MGAT4C: variants seen among roughly 807,000 people sequenced by gnomAD.
The protein encoded by MGAT4C is MGAT4 family member C, also known as alpha-1,3-mannosyl-glycoprotein 4-beta-N-acetylglucosaminyltransferase C.
MGAT4C carries 19 observed loss-of-function variants against 40.1 expected under a neutral mutation model. The observed-to-expected ratio is 0.47, with a 90% CI of 0.33 to 0.70. The LOEUF (loss-of-function observed/expected upper bound fraction) is 0.70, where lower values mean the gene tolerates loss of function less well. Among genes scored for constraint, MGAT4C ranks in the 30% least tolerant of loss-of-function variants. MGAT4C has a pLI of 0.02. For synonymous variants in MGAT4C, 181 were observed against 187.1 expected (o/e 0.97, Z 0.27); for missense variants, 491 against 563.2 (o/e 0.87, Z 1.30).
chr12:86,601,989 A>G (rs1961800945), intron 2 of MGAT4C, among the ~76,000 whole-genome samples: 1 of 152,126 alleles, frequency 6.6e-6, no homozygotes, highest in Non-Finnish European at 1.5e-5. Flanking sequence ...CCCGTTGTCC[A>G]GAAACTGGCG....
intron 1 of MGAT4C, among the ~76,000 whole-genome samples, chr12:86,191,474 G>C (rs1315962920): frequency 3.3e-5 from 5 of 151,650 alleles, no homozygotes; most frequent in Admixed American, 1.3e-4. Context: ...AGGACATTCT[G>C]TCAAACTAAC....
intron 1 of MGAT4C, among the ~76,000 whole-genome samples, chr12:86,762,521 C>A (rs1951425792): frequency 6.6e-6 from 1 of 152,194 alleles, no homozygotes; most frequent in South Asian, 2.1e-4. Flanking sequence ...GGCTCTCTCA[C>A]ATAGCCACTC....
At chr12:86,408,484 T>TCTC (rs1956530417) in intron 3 of MGAT4C, among the ~76,000 whole-genome samples, 1 of 82,400 alleles carries the variant, frequency 1.2e-5, no homozygotes, top group South Asian at 4.2e-4. Flanking sequence ...TCTCTCTATA[T>TCTC]ATATATATAT....
intron 2 of MGAT4C, among the ~76,000 whole-genome samples, chr12:86,702,851 C>A (rs1355932289): frequency 6.6e-6 from 1 of 152,136 alleles, no homozygotes; most frequent in Non-Finnish European, 1.5e-5. Context: ...AATTTTAAGA[C>A]TATATCTTCT....
chr12:86,640,040 T>C (rs576029618), intron 2 of MGAT4C, among the ~76,000 whole-genome samples: 2 of 151,822 alleles, frequency 1.3e-5, no homozygotes, highest in South Asian at 2.1e-4. Flanking sequence ...CCCATACTTA[T>C]TTATGCTCAA....
intron 3 of MGAT4C, among the ~76,000 whole-genome samples, chr12:86,418,622 A>G (rs1956765163): frequency 6.7e-6 from 1 of 150,166 alleles, no homozygotes; most frequent in Admixed American, 6.6e-5. Flanking sequence ...ATAAATAAAT[A>G]AATAAATGTA....
chr12:86,599,156 A>C (rs1356598812), intron 2 of MGAT4C, among the ~76,000 whole-genome samples: 1 of 152,066 alleles, frequency 6.6e-6, no homozygotes, highest in Non-Finnish European at 1.5e-5. Context: ...TATATTTATC[A>C]ACCTTAGAAG....
At chr12:86,507,361 T>C (rs1266091110) in intron 2 of MGAT4C, among the ~76,000 whole-genome samples, 1 of 152,188 alleles carries the variant, frequency 6.6e-6, no homozygotes, top group Non-Finnish European at 1.5e-5. Flanking sequence ...CTTTGTTATG[T>C]AACCTTTATT....
chr12:86,502,653 T>C (rs111913317), intron 2 of MGAT4C, among the ~76,000 whole-genome samples: 11,350 of 143,988 alleles, frequency 0.079, 557 homozygotes, highest in African/African-American at 0.15. Context: ...TATATATACA[T>C]GATTTCTGCT....
intron 1 of MGAT4C, among the ~76,000 whole-genome samples, chr12:86,120,793 C>A: frequency 6.6e-6 from 1 of 152,164 alleles, no homozygotes; most frequent in East Asian, 1.9e-4. Flanking sequence ...TGGGGAGAAA[C>A]CAAAGCAGAA....
chr12:86,374,184 C>A (rs1255441457), intron 3 of MGAT4C, among the ~76,000 whole-genome samples: 1 of 152,024 alleles, frequency 6.6e-6, no homozygotes, highest in Non-Finnish European at 1.5e-5. Flanking sequence ...GTGCAAGTAT[C>A]ATCAGTGTGA....
intron 2 of MGAT4C, among the ~76,000 whole-genome samples, chr12:86,560,332 T>G (rs1327558859): frequency 1.3e-5 from 2 of 151,564 alleles, no homozygotes; most frequent in Non-Finnish European, 2.9e-5. Context: ...GATACAGTAA[T>G]AAAAATGAAA....
chr12:86,489,281 C>T (rs966659366), intron 2 of MGAT4C, among the ~76,000 whole-genome samples: 1 of 152,164 alleles, frequency 6.6e-6, no homozygotes, highest in Non-Finnish European at 1.5e-5. Flanking sequence ...CTTTCCAGCT[C>T]CCCTCCCCAC....
chr12:86,559,025 T>A (rs891996566), intron 2 of MGAT4C, among the ~76,000 whole-genome samples: 1 of 151,706 alleles, frequency 6.6e-6, no homozygotes, highest in African/African-American at 2.4e-5. Flanking sequence ...GGAAACCAAA[T>A]GTGAGCAGGC....
rs1411398530 is a variant in MGAT4C at position 85,979,342 on chromosome 12, T to C, written c.1384A>G (p.Lys462Glu). Residue 462 changes from lysine (K) to glutamate (E), a missense_variant, in exon 5 of 5, where the codon AAA (lysine) becomes GAA (glutamate). Physicochemically the swap from Lys to Glu is moderately conservative, Grantham distance 56. Coordinates refer to ENST00000611864, the MANE Select transcript of MGAT4C (RefSeq NM_001351288.2). ...DIHCMRIYVT[K>E]TQKEWLIIRS... ...ATAATTAGCCATTCCTTTTGTGTTT[T>C]GGTGACATATATCCTCATACAATGT... 6.2e-7 allele frequency: 1 copy of C among 1,610,142 alleles called. No homozygotes were observed. The highest frequency in any genetic ancestry group is 8.5e-7 in the Non-Finnish European group (1 of 1,177,774).
chr12:86,307,049 G>A (rs1452487016), intron 4 of MGAT4C, among the ~76,000 whole-genome samples: 1 of 150,352 alleles, frequency 6.7e-6, no homozygotes, highest in African/African-American at 2.5e-5. Flanking sequence ...TAGATTCAAT[G>A]AAAAATGTCA....
intron 2 of MGAT4C, among the ~76,000 whole-genome samples, chr12:86,492,421 C>T (rs1288377358): frequency 6.6e-6 from 1 of 152,178 alleles, no homozygotes; most frequent in Non-Finnish European, 1.5e-5. Context: ...GTAACCAAAA[C>T]AGCATGGTAC....
chr12:86,409,435 T>C (rs1167074792), intron 3 of MGAT4C, among the ~76,000 whole-genome samples: 2 of 152,070 alleles, frequency 1.3e-5, no homozygotes, highest in East Asian at 1.9e-4. Flanking sequence ...CCTGTGGCAA[T>C]TGGAGACACA....
rs185365554 is a variant in MGAT4C at position 86,801,840 on chromosome 12, T to C, written c.-262+36826A>G. Among the ~76,000 whole-genome samples the C allele has an allele frequency of 9.1e-3, 1,386 of 151,872 alleles. 8 individuals carry two copies. Among genetic ancestry groups the C allele is most frequent in the Middle Eastern group, 0.02 (6 of 294 alleles). On this transcript the variant is annotated intron_variant, in intron 1 of 7. Transcript: ENST00000548651. ...TACCTAACCCTAATTCTTCCAGAAA[T>C]AGGTAATACAAAATGTTAAGGGAAA...
Sources: allele counts gnomAD v4.1 joint callset (sites outside exome capture counted in the v4.1 genomes callset), GRCh38; gene constraint gnomAD v4.1.1; transcripts MANE v1.5; gene names NCBI Gene and HGNC (gene_info 2026-07-23, HGNC 2026-07-21).